The following SLC38A6 variants were observed in gnomAD, a reference collection of about 807,000 sequenced individuals.
SLC38A6 encodes the protein solute carrier family 38 member 6, also known as N system amino acid transporter NAT-1.
Under a neutral mutation model 65.0 loss-of-function variants are expected in SLC38A6, and 73 were observed. The observed-to-expected ratio is 1.12, with a 90% CI of 0.93 to 1.37. The LOEUF is 1.37. Ranked by LOEUF, SLC38A6 falls within the 40% of genes most tolerant of loss-of-function variation. The pLI is 0.00. For synonymous variants in SLC38A6, 183 were observed against 178.8 expected (o/e 1.02, Z -0.19); for missense variants, 561 against 531.1 (o/e 1.06, Z -0.55).
intron 12 of SLC38A6, among the ~76,000 whole-genome samples, chr14:61,047,970 GATAGATAC>G (rs1259499016): frequency 0.032 from 4,575 of 141,436 alleles, 128 homozygotes; most frequent in African/African-American, 0.081. Context: ...TAGATAGATA[GATAGATAC>G]ATACATACAT....
chr14:61,021,928 C>T (rs954201440), intron 5 of SLC38A6, among the ~76,000 whole-genome samples: 2 of 152,032 alleles, frequency 1.3e-5, no homozygotes, highest in African/African-American at 4.8e-5. Flanking sequence ...AGTCAGATAC[C>T]TTGAATTCTG....
intron 3 of SLC38A6, among the ~76,000 whole-genome samples, chr14:60,990,814 G>A (rs2037821010): frequency 6.6e-6 from 1 of 151,956 alleles, no homozygotes; most frequent in African/African-American, 2.4e-5. Flanking sequence ...CTGAGCAGCT[G>A]GTACTACAGG....
At chr14:61,067,129 G>A (rs1009379948) in intron 15 of SLC38A6, among the ~76,000 whole-genome samples, 1 of 152,040 alleles carries the variant, frequency 6.6e-6, no homozygotes, top group Non-Finnish European at 1.5e-5. Flanking sequence ...AAAAGATTTT[G>A]GAGTCAAAAT....
At chr14:61,013,590 A>T (rs1194158672) in intron 3 of SLC38A6, among the ~76,000 whole-genome samples, 1 of 152,164 alleles carries the variant, frequency 6.6e-6, no homozygotes, top group Non-Finnish European at 1.5e-5. Context: ...GTGATGACAA[A>T]ATCTCTCAGC....
At chr14:60,994,833 G>A (rs1273391174) in intron 3 of SLC38A6, among the ~76,000 whole-genome samples, 4 of 150,794 alleles carry the variant, frequency 2.7e-5, no homozygotes, top group South Asian at 4.2e-4. Context: ...GTGAAACCCC[G>A]TCTCTACTAA....
chr14:60,987,463 G>C (rs939397238), intron 3 of SLC38A6: 2 of 152,280 alleles, frequency 1.3e-5, no homozygotes, highest in Admixed American at 6.5e-5. Flanking sequence ...CTTTTCATGG[G>C]AGCTGAGGTG....
intron 3 of SLC38A6, among the ~76,000 whole-genome samples, chr14:61,010,516 G>A (rs527735138): frequency 1.3e-5 from 2 of 152,130 alleles, no homozygotes; most frequent in Non-Finnish European, 1.5e-5. Flanking sequence ...ATGGTTTTAG[G>A]TCTAACATTT....
intron 3 of SLC38A6, among the ~76,000 whole-genome samples, chr14:61,003,355 A>G (rs1051379484): frequency 6.6e-6 from 1 of 152,116 alleles, no homozygotes; most frequent in Admixed American, 6.5e-5. Flanking sequence ...ATATTATTCT[A>G]TCAAAAATAC....
At chr14:60,982,721 G>T in intron 2 of SLC38A6, 83 bp downstream of exon 2, 1 of 1,404,300 alleles carries the variant, frequency 7.1e-7, no homozygotes, top group Non-Finnish European at 9.6e-7. Flanking sequence ...TCCAGAAGCT[G>T]CTATTATACA....
intron 4 of SLC38A6, 106 bp downstream of exon 4, chr14:61,016,062 T>A: frequency 2.7e-6 from 2 of 734,112 alleles, no homozygotes; most frequent in Non-Finnish European, 4.3e-6. Context: ...ATTAGAGGAA[T>A]AAAAGGAAAC....
At chr14:61,067,314 G>A (rs1159973496) in intron 15 of SLC38A6, among the ~76,000 whole-genome samples, 4 of 152,120 alleles carry the variant, frequency 2.6e-5, no homozygotes, top group Non-Finnish European at 5.9e-5. Flanking sequence ...AAGCCGTTAA[G>A]CATTGAATAT....
intron 15 of SLC38A6, among the ~76,000 whole-genome samples, chr14:61,077,414 C>A (rs1251142594): frequency 6.6e-6 from 1 of 152,118 alleles, no homozygotes; most frequent in Non-Finnish European, 1.5e-5. Context: ...TAATCCTAAC[C>A]TTTGGGAGCG....
chr14:61,027,087 GT>G (rs2139634090), intron 5 of SLC38A6, among the ~76,000 whole-genome samples: 1 of 152,146 alleles, frequency 6.6e-6, no homozygotes, highest in South Asian at 2.1e-4. Flanking sequence ...TAATATTACT[GT>G]TGCTTCTCCA....
intron 15 of SLC38A6, among the ~76,000 whole-genome samples, chr14:61,072,046 G>A (rs971082051): frequency 1.3e-5 from 2 of 152,184 alleles, no homozygotes; most frequent in African/African-American, 2.4e-5. Flanking sequence ...TGTTGCTGGA[G>A]CCTGGGAAAT....
rs754906694 is a variant in SLC38A6, at chr14:60,984,753, T to C, written c.260T>C (p.Leu87Pro). The change falls in exon 3 of 16, where the codon CTC becomes CCC. Residue 87 changes from leucine (L) to proline (P), a missense_variant. By Grantham distance (98) the Leu-to-Pro change is moderately conservative. Transcript: ENST00000267488. ...AGCTTCTTGCTGCTGACAGTTGCTC[T>C]CCTGGCTTCTTACTCAGTCCATCTT... is the stretch of plus-strand genomic sequence containing the variant. ...GFSFLLLTVA[L>P]LASYSVHLLL... 5.0e-6 allele frequency: 8 copies of C among 1,614,026 alleles called. No homozygotes were observed. Among genetic ancestry groups the C allele is most frequent in the Non-Finnish European group, 6.8e-6 (8 of 1,179,928 alleles).
intron 3 of SLC38A6, among the ~76,000 whole-genome samples, chr14:61,009,940 C>T (rs1215624631): frequency 6.6e-6 from 1 of 152,160 alleles, no homozygotes; most frequent in Non-Finnish European, 1.5e-5. Flanking sequence ...AGTTCTAGAT[C>T]CCTGAGGAAT....
chr14:60,999,491 C>T (rs1003284688), intron 3 of SLC38A6, among the ~76,000 whole-genome samples: 4 of 152,068 alleles, frequency 2.6e-5, no homozygotes, highest in Non-Finnish European at 4.4e-5. Context: ...CTAAATGCTC[C>T]CTTTACTATA....
chr14:60,983,681 T>C (rs1460462250), intron 2 of SLC38A6, among the ~76,000 whole-genome samples: 1 of 152,220 alleles, frequency 6.6e-6, no homozygotes, highest in African/African-American at 2.4e-5. Flanking sequence ...AAGCAACTTT[T>C]AAGTAACCCA....
intron 15 of SLC38A6, among the ~76,000 whole-genome samples, chr14:61,063,801 A>G (rs1409788572): frequency 1.3e-5 from 2 of 152,244 alleles, no homozygotes; most frequent in Non-Finnish European, 2.9e-5. Context: ...TGTAAGGCAC[A>G]CTACGTAACC....
Sources: allele counts gnomAD v4.1 joint callset (sites outside exome capture counted in the v4.1 genomes callset), GRCh38; gene constraint gnomAD v4.1.1; transcripts MANE v1.5; gene names NCBI Gene and HGNC (gene_info 2026-07-23, HGNC 2026-07-21).